The following DTNA variants were observed in gnomAD, a reference collection of about 807,000 sequenced individuals.
The protein encoded by DTNA is dystrobrevin alpha, also known as dystrophin-related protein 3.
A neutral mutation model predicts 100.7 loss-of-function variants in DTNA; 43 were observed. The observed-to-expected ratio is 0.43, with a 90% CI of 0.33 to 0.55. The LOEUF is 0.55. DTNA is among the 20% of genes least tolerant of loss of function. The probability of loss-of-function intolerance (pLI) is 0.04; values close to 1 mark genes in which losing one functional copy is unlikely to be tolerated. For synonymous variants in DTNA, 349 were observed against 347.9 expected (o/e 1.00, Z -0.04); for missense variants, 798 against 953.9 (o/e 0.84, Z 2.15).
chr18:34,848,230 G>A lies in DTNA; in HGVS notation c.1347-66G>A, dbSNP rs1335430254. On this transcript the variant is annotated intron_variant, in intron 13 of 22. Coordinates refer to ENST00000444659, the MANE Select transcript of DTNA (RefSeq NM_001386795.1). ...CATTGAAATAGTAAAAACTCCTTGT[G>A]GTAAAATGACTGCAGCAATCTTTCT... 3.3e-6 allele frequency: 5 copies of A among 1,501,580 alleles called. No individual in the cohort carries two copies. In the African/African-American group the frequency reaches 4.1e-5, roughly 12 times the overall value. 93.0% of individuals were successfully genotyped at this position (1,501,580 alleles called of 1,614,324 possible).
chr18:34,716,187 A>T (rs2084029130), intron 1 of DTNA, among the ~76,000 whole-genome samples: 1 of 152,214 alleles, frequency 6.6e-6, no homozygotes, highest in African/African-American at 2.4e-5. Flanking sequence ...TCGTTGTTTC[A>T]GACAATAGCA....
chr18:34,616,441 A>G (rs1334474902), intron 1 of DTNA, among the ~76,000 whole-genome samples: 3 of 152,210 alleles, frequency 2.0e-5, no homozygotes, highest in Non-Finnish European at 4.4e-5. Context: ...AATGGTATAC[A>G]ATATTTGCAA....
At chr18:34,853,580 C>T (rs2096511637) in intron 15 of DTNA, among the ~76,000 whole-genome samples, 1 of 152,036 alleles carries the variant, frequency 6.6e-6, no homozygotes, top group African/African-American at 2.4e-5. Context: ...AATGTGACAC[C>T]ATGACTCCAT....
chr18:34,659,667 A>G (rs1356266639), intron 1 of DTNA, among the ~76,000 whole-genome samples: 1 of 151,904 alleles, frequency 6.6e-6, no homozygotes, highest in East Asian at 1.9e-4. Flanking sequence ...CTCATTTAAC[A>G]TCTGGGTTTT....
chr18:34,883,933 C>T (rs1019189090), intron 21 of DTNA, among the ~76,000 whole-genome samples: 1 of 152,160 alleles, frequency 6.6e-6, no homozygotes, highest in African/African-American at 2.4e-5. Flanking sequence ...TATGTAGAGC[C>T]GTGCTCCCAT....
At chr18:34,829,068 C>A in intron 10 of DTNA, 1 of 1,614,096 alleles carries the variant, frequency 6.2e-7, no homozygotes, top group Non-Finnish European at 8.5e-7. Flanking sequence ...GTGGATGCGT[C>A]TAGATGGATA....
At chr18:34,513,141 C>G (rs1460755851) in intron 1 of DTNA, among the ~76,000 whole-genome samples, 1 of 152,024 alleles carries the variant, frequency 6.6e-6, no homozygotes, top group East Asian at 1.9e-4. Flanking sequence ...AGCCTTTTGC[C>G]TCATATCCAT....
At chr18:34,686,796 G>C (rs2078971017) in intron 1 of DTNA, among the ~76,000 whole-genome samples, 1 of 151,786 alleles carries the variant, frequency 6.6e-6, no homozygotes, top group South Asian at 2.1e-4. Flanking sequence ...GGTGGTGGTA[G>C]ACTATTAATT....
At chr18:34,594,994 T>A (rs1418066009) in intron 1 of DTNA, among the ~76,000 whole-genome samples, 1 of 152,256 alleles carries the variant, frequency 6.6e-6, no homozygotes, top group Non-Finnish European at 1.5e-5. Flanking sequence ...CTTGTGACAG[T>A]TTAGACAATT....
intron 13 of DTNA, among the ~76,000 whole-genome samples, chr18:34,844,665 G>C (rs1343930922): frequency 6.6e-6 from 1 of 152,028 alleles, no homozygotes; most frequent in East Asian, 1.9e-4. Context: ...AATATGAAAA[G>C]AAAATATAGA....
At position 34,881,852 on chromosome 18, in the gene DTNA, T is replaced by TA. The variant is rs35635435; in HGVS notation, c.2163-210dup. ...AAATGACCAATGATCGCAACTGCCA[T>TA]AAAAAAATTGTGTATGAAAATACCT... On this transcript the variant is annotated intron_variant, in intron 20 of 22. Coordinates refer to ENST00000444659, the MANE Select transcript of DTNA (RefSeq NM_001386795.1). Among the ~76,000 whole-genome samples the TA allele has an allele frequency of 0.22, 33,423 of 151,970 alleles. 4,364 individuals carry two copies. Among genetic ancestry groups the TA allele is most frequent in the African/African-American group, 0.35 (14,620 of 41,394 alleles).
intron 13 of DTNA, among the ~76,000 whole-genome samples, chr18:34,843,582 T>C (rs769597265): frequency 2.6e-5 from 4 of 152,140 alleles, no homozygotes; most frequent in African/African-American, 4.8e-5. Context: ...CTTTTTTCTC[T>C]ACCCTAGTGT....
chr18:34,759,504 G>A (rs2092997759), intron 2 of DTNA, among the ~76,000 whole-genome samples: 3 of 152,134 alleles, frequency 2.0e-5, no homozygotes, highest in African/African-American at 7.2e-5. Context: ...GGATGGGTAG[G>A]TTTTAATGGA....
chr18:34,584,245 G>C (rs2048912156), intron 1 of DTNA, among the ~76,000 whole-genome samples: 1 of 149,452 alleles, frequency 6.7e-6, no homozygotes, highest in African/African-American at 2.5e-5. Flanking sequence ...TACATTGCTT[G>C]AGCAGACAGC....
At chr18:34,645,272 C>T (rs936131612) in intron 1 of DTNA, among the ~76,000 whole-genome samples, 2 of 152,044 alleles carry the variant, frequency 1.3e-5, no homozygotes, top group Non-Finnish European at 2.9e-5. Flanking sequence ...TGCTCATTAT[C>T]CTCAATATTA....
Position 34,879,660 on chromosome 18 carries a change from T to C in DTNA, c.2103T>C (p.His701=), listed in dbSNP as rs2150373080. 1.2e-6 allele frequency: 2 copies of C among 1,614,148 alleles called. No homozygotes were observed. The highest frequency in any genetic ancestry group is 1.1e-5 in the South Asian group (1 of 91,078). ...TSEKAFLAQI[H]ARKPGYIHSG... ...AAAAGGCTTTTCTAGCGCAAATCCA[T>C]GCCCGAAAACCTGGGTACATTCACA... Residue 701 remains histidine, a synonymous_variant, in exon 20 of 23, where the codon CAT becomes CAC. Coordinates refer to ENST00000444659, the MANE Select transcript of DTNA (RefSeq NM_001386795.1).
At chr18:34,654,890 C>A (rs1457302537) in intron 1 of DTNA, among the ~76,000 whole-genome samples, 3 of 152,036 alleles carry the variant, frequency 2.0e-5, no homozygotes, top group African/African-American at 4.8e-5. Context: ...CCACACCCAG[C>A]TTATTTTTGT....
At chr18:34,622,900 C>G (rs528112423) in intron 1 of DTNA, among the ~76,000 whole-genome samples, 6 of 152,270 alleles carry the variant, frequency 3.9e-5, no homozygotes, top group South Asian at 4.1e-4. Flanking sequence ...AACTTCTCAG[C>G]CTCCATAATA....
At chr18:34,627,545 C>G (rs1478754012) in intron 1 of DTNA, among the ~76,000 whole-genome samples, 1 of 152,162 alleles carries the variant, frequency 6.6e-6, no homozygotes, top group Admixed American at 6.5e-5. Context: ...ATCAATAAGC[C>G]TTAGAGATCA....
Sources: allele counts gnomAD v4.1 joint callset (sites outside exome capture counted in the v4.1 genomes callset), GRCh38; gene constraint gnomAD v4.1.1; transcripts MANE v1.5; gene names NCBI Gene and HGNC (gene_info 2026-07-23, HGNC 2026-07-21).